The following SYT16 variants were observed in gnomAD, a reference collection of about 807,000 sequenced individuals.
SYT16 encodes the protein synaptotagmin-16.
SYT16 carries 42 observed loss-of-function variants against 61.4 expected under a neutral mutation model. The observed-to-expected ratio is 0.68, with a 90% CI of 0.53 to 0.89. The LOEUF (loss-of-function observed/expected upper bound fraction) is 0.89. SYT16 is among the 40% of genes least tolerant of loss of function. The pLI, the probability that SYT16 is intolerant of heterozygous loss-of-function variation, is 0.00. For synonymous variants in SYT16, 314 were observed against 302.3 expected, an observed-to-expected ratio of 1.04 and a Z score of -0.40; for missense variants, 804 against 807.3, an observed-to-expected ratio of 1.00 and a Z score of 0.05.
chr14:61,841,035 T>C (rs1490254064), intron 1 of SYT16, among the ~76,000 whole-genome samples: 2 of 152,170 alleles, frequency 1.3e-5, no homozygotes, highest in Non-Finnish European at 2.9e-5. Context: ...TTCTTTGTCA[T>C]TTGGAACCAG....
intron 1 of SYT16, among the ~76,000 whole-genome samples, chr14:61,824,998 C>T (rs1294943734): frequency 6.6e-6 from 1 of 152,028 alleles, no homozygotes; most frequent in African/African-American, 2.4e-5. Context: ...GTAAATAAAA[C>T]AAAAACTAAA....
In SYT16 at chr14:62,062,778, G is replaced by C. The variant is rs529664851; in HGVS notation, c.524-6825G>C. Among the ~76,000 whole-genome samples the C allele has an allele frequency of 2.0e-5, 3 of 152,148 alleles. No homozygotes were observed. The South Asian group carries it at 6.2e-4, about 32-fold the overall frequency. ...AAATCTCGTATCTAAGGGATTTCCT[G>C]AAATTGCAGTTGAAAGTAGCACTCG... On this transcript the variant is annotated intron_variant, in intron 3 of 7. Transcript: ENST00000683842.
At chr14:61,935,267 C>T (rs2049932783) in intron 1 of SYT16, among the ~76,000 whole-genome samples, 1 of 152,194 alleles carries the variant, frequency 6.6e-6, no homozygotes, top group South Asian at 2.1e-4. Context: ...GAAGCTGATT[C>T]ACGCCGACAG....
Position 62,069,878 on chromosome 14 carries a change from A to G in SYT16, c.736+63A>G, listed in dbSNP as rs117124711. The G allele has an allele frequency of 9.2e-3, 14,090 of 1,524,900 alleles. 128 individuals are homozygous for G. The highest frequency in any genetic ancestry group is 0.036 in the Admixed American group (2,106 of 58,370). The allele number at this position is 1,524,900 out of a possible 1,614,324, so 94.5% of individuals were successfully genotyped here. A position where few individuals can be genotyped will look rare whatever the true frequency, so the allele number is the denominator to read the frequency against. On this transcript the variant is annotated intron_variant, in intron 4 of 7. Transcript: ENST00000683842. The stretch of plus-strand genomic sequence containing the variant: ...TGGCCAATGGTAAGAGTGCATCCGA[A>G]TTATTCACCCTCTGCACTCTGCATC...
intron 1 of SYT16, among the ~76,000 whole-genome samples, chr14:61,830,944 C>T (rs900714195): frequency 5.9e-5 from 9 of 152,160 alleles, no homozygotes; most frequent in Admixed American, 6.5e-5. Flanking sequence ...CAGAGAGATG[C>T]GGTTCTTTTG....
Position 62,029,542 on chromosome 14 carries a change from G to A in SYT16, c.523+33000G>A, listed in dbSNP as rs144140961. On this transcript the variant is annotated intron_variant, in intron 3 of 7. Coordinates refer to ENST00000683842, the MANE Select transcript of SYT16 (RefSeq NM_001367656.1). ...AAAATGACATGTTACACTTCCTTTC[G>A]GGAGTTCTATTCCCAGAATAGCACA... Among the ~76,000 whole-genome samples the A allele has an allele frequency of 1.2e-3, 187 of 152,220 alleles. 3 individuals carry two copies. The highest frequency in any genetic ancestry group is 3.4e-3 in the Middle Eastern group (1 of 294).
intron 1 of SYT16, among the ~76,000 whole-genome samples, chr14:61,937,115 C>T (rs1400067755): frequency 6.6e-6 from 1 of 152,208 alleles, no homozygotes; most frequent in Admixed American, 6.5e-5. Flanking sequence ...GGGATTTCCC[C>T]GTGGATGGTG....
At chr14:61,854,389 A>G (rs1216390753) in intron 1 of SYT16, among the ~76,000 whole-genome samples, 1 of 152,236 alleles carries the variant, frequency 6.6e-6, no homozygotes, top group Non-Finnish European at 1.5e-5. Context: ...CCTAATTTTT[A>G]TTATACTAAC....
rs1176533479 is a variant in SYT16 at position 62,110,886 on chromosome 14, TTTA to T, written c.*10185_*10187del. 2 of 152,112 alleles carry T rather than the reference TTTA, an allele frequency of 1.3e-5. No homozygotes were observed. The highest frequency in any genetic ancestry group is 2.9e-5 in the Non-Finnish European group (2 of 67,946). 9.4% of individuals were successfully genotyped at this position (152,112 alleles called of 1,614,324 possible). ...TGCCAAAAAAGGTCCTTCAATCTCC[TTTA>T]TTATTTTTCTTTTGAAGAATCAAAC... On this transcript the variant is annotated 3_prime_UTR_variant, in exon 8 of 8. Coordinates refer to ENST00000683842, the MANE Select transcript of SYT16 (RefSeq NM_001367656.1).
intron 3 of SYT16, among the ~76,000 whole-genome samples, chr14:62,064,436 T>G (rs1566812899): frequency 6.6e-6 from 1 of 151,766 alleles, no homozygotes; most frequent in Non-Finnish European, 1.5e-5. Context: ...GATTGGTGCT[T>G]GTTTGGTGCG....
At position 61,841,660 on chromosome 14, in the gene SYT16, T is replaced by C. The variant is rs74245128; in HGVS notation, c.-325+28850T>C. 6.2e-3 allele frequency among the ~76,000 whole-genome samples: 938 copies of C among 152,308 alleles called. 11 individuals carry two copies. The highest frequency in any genetic ancestry group is 0.033 in the South Asian group (159 of 4,824). ...TACTCAGCAAGTAATTTTCAGTCCT[T>C]CCCTCTGTGGAGTCCCCAGACTTCA... On this transcript the variant is annotated intron_variant, in intron 1 of 7. Coordinates refer to ENST00000683842, the MANE Select transcript of SYT16 (RefSeq NM_001367656.1).
intron 1 of SYT16, among the ~76,000 whole-genome samples, chr14:61,814,623 GA>G (rs1221158023): frequency 6.6e-6 from 1 of 152,166 alleles, no homozygotes; most frequent in East Asian, 1.9e-4. Context: ...TTTTGTTTAT[GA>G]AAAAATTATG....
At chr14:61,824,266 A>G (rs1424751213) in intron 1 of SYT16, among the ~76,000 whole-genome samples, 1 of 152,178 alleles carries the variant, frequency 6.6e-6, no homozygotes, top group Non-Finnish European at 1.5e-5. Context: ...CCTTGAAGGA[A>G]AGAACTACTT....
At chr14:61,818,692 A>C (rs930948560) in intron 1 of SYT16, among the ~76,000 whole-genome samples, 3 of 151,734 alleles carry the variant, frequency 2.0e-5, no homozygotes, top group Non-Finnish European at 4.4e-5. Context: ...AAAAAAAAAA[A>C]AAACAGCATT....
At chr14:61,960,293 G>C (rs2051064000) in intron 1 of SYT16, among the ~76,000 whole-genome samples, 1 of 152,174 alleles carries the variant, frequency 6.6e-6, no homozygotes, top group Admixed American at 6.6e-5. Context: ...GCTTTGGGCA[G>C]TATGTCCATT....
intron 1 of SYT16, among the ~76,000 whole-genome samples, chr14:61,908,227 G>A (rs1294330184): frequency 6.6e-6 from 1 of 152,206 alleles, no homozygotes; most frequent in African/African-American, 2.4e-5. Flanking sequence ...CTCACAAAGT[G>A]TTCCCTTGAG....
Position 62,108,902 on chromosome 14 carries a change from G to A in SYT16, c.*8195G>A, listed in dbSNP as rs1177469514. 1 of 151,996 alleles carries A rather than the reference G, an allele frequency of 6.6e-6. No homozygotes were observed. Among genetic ancestry groups the A allele is most frequent in the East Asian group, 1.9e-4 (1 of 5,200 alleles). The allele number at this position is 151,996 out of a possible 1,614,324, so 9.4% of individuals were successfully genotyped here. A position where few individuals can be genotyped will look rare whatever the true frequency, so the allele number is the denominator to read the frequency against. On this transcript the variant is annotated 3_prime_UTR_variant, in exon 8 of 8. Coordinates refer to ENST00000683842, the MANE Select transcript of SYT16 (RefSeq NM_001367656.1). ...TAAATTTTATTTTTTAGAGTTTTAG[G>A]TTCACAGCAAAATTGATCCTAAAAT... is the stretch of plus-strand genomic sequence containing the variant.
intron 3 of SYT16, among the ~76,000 whole-genome samples, chr14:62,027,702 G>T (rs981177857): frequency 2.0e-5 from 3 of 152,114 alleles, no homozygotes; most frequent in African/African-American, 7.2e-5. Flanking sequence ...TTTATGTTAT[G>T]TTGGGAGTTT....
chr14:61,983,581 A>G (rs2052176521), intron 2 of SYT16, among the ~76,000 whole-genome samples: 1 of 152,106 alleles, frequency 6.6e-6, no homozygotes, highest in Admixed American at 6.5e-5. Flanking sequence ...GCTGGAGTGC[A>G]GTGGTGTGAT....
Sources: allele counts gnomAD v4.1 joint callset (sites outside exome capture counted in the v4.1 genomes callset), GRCh38; gene constraint gnomAD v4.1.1; transcripts MANE v1.5; gene names NCBI Gene and HGNC (gene_info 2026-07-23, HGNC 2026-07-21).